Variants in MARCHF1 observed in about 807,000 individuals in gnomAD.
MARCHF1 encodes membrane associated ring-CH-type finger 1.
Under a neutral mutation model 54.2 loss-of-function variants are expected in MARCHF1, and 40 were observed. That is an observed-to-expected ratio of 0.74 (90% CI 0.57 to 0.96). MARCHF1 has a LOEUF of 0.96. Ranked by LOEUF, MARCHF1 falls within the 40% of genes least tolerant of loss-of-function variation. MARCHF1 has a pLI of 0.00. For missense variants in MARCHF1, 586 were observed against 656.5 expected, an observed-to-expected ratio of 0.89 and a Z score of 1.17; for synonymous variants, 236 against 236.3, an observed-to-expected ratio of 1.00 and a Z score of 0.01.
chr4:164,098,669 A>G (rs562750472), intron 2 of MARCHF1, among the ~76,000 whole-genome samples: 1 of 152,324 alleles, frequency 6.6e-6, no homozygotes, highest in Admixed American at 6.5e-5. Context: ...AGAAAGAATG[A>G]AGATCTTTTC....
intron 4 of MARCHF1, among the ~76,000 whole-genome samples, chr4:163,742,758 A>G (rs1173477949): frequency 6.6e-6 from 1 of 152,162 alleles, no homozygotes; most frequent in Admixed American, 6.5e-5. Context: ...AATTATGGGT[A>G]CGCCCAGTAC....
chr4:164,334,834 G>A (rs1185428806), intron 1 of MARCHF1, among the ~76,000 whole-genome samples: 1 of 152,104 alleles, frequency 6.6e-6, no homozygotes, highest in Non-Finnish European at 1.5e-5. Context: ...TATGGGAGGA[G>A]GTCAAAATAT....
At chr4:164,030,421 C>T (rs945087409) in intron 2 of MARCHF1, among the ~76,000 whole-genome samples, 2 of 152,074 alleles carry the variant, frequency 1.3e-5, no homozygotes, top group Non-Finnish European at 2.9e-5. Flanking sequence ...AGATGAAATG[C>T]TACTGTATAA....
intron 8 of MARCHF1, among the ~76,000 whole-genome samples, chr4:163,576,799 A>G (rs892645369): frequency 1.3e-5 from 2 of 149,322 alleles, no homozygotes; most frequent in African/African-American, 4.9e-5. Flanking sequence ...ATTATGTAAT[A>G]TCCTTCTTTG....
intron 1 of MARCHF1, among the ~76,000 whole-genome samples, chr4:164,325,333 TTATA>T (rs58385154): frequency 8.7e-5 from 12 of 138,448 alleles, no homozygotes; most frequent in African/African-American, 2.4e-4. Flanking sequence ...TAGACAGAAA[TTATA>T]TATATATATA....
At chr4:164,062,929 T>A (rs1437670028) in intron 2 of MARCHF1, among the ~76,000 whole-genome samples, 1 of 152,256 alleles carries the variant, frequency 6.6e-6, no homozygotes, top group African/African-American at 2.4e-5. Flanking sequence ...TAATTTCTTG[T>A]ACATTTTCCT....
intron 1 of MARCHF1, among the ~76,000 whole-genome samples, chr4:164,230,347 G>A (rs560993949): frequency 3.4e-3 from 517 of 151,096 alleles, no homozygotes; most frequent in Middle Eastern, 0.01. Flanking sequence ...GTGAGCCAAG[G>A]TGGCGCCATT....
chr4:164,147,255 G>T (rs996842679), intron 1 of MARCHF1, among the ~76,000 whole-genome samples: 1 of 148,492 alleles, frequency 6.7e-6, no homozygotes. Flanking sequence ...CATTGTGGAA[G>T]TCAGTGTGGC....
At chr4:164,310,106 T>A (rs1009774925) in intron 1 of MARCHF1, among the ~76,000 whole-genome samples, 1 of 151,930 alleles carries the variant, frequency 6.6e-6, no homozygotes, top group Non-Finnish European at 1.5e-5. Context: ...TGAGACAGAG[T>A]CTCGCTCTGT....
At chr4:163,953,450 T>C (rs1005909387) in intron 3 of MARCHF1, among the ~76,000 whole-genome samples, 1 of 152,198 alleles carries the variant, frequency 6.6e-6, no homozygotes, top group South Asian at 2.1e-4. Context: ...GCTGAACACA[T>C]AGTAGTTTAA....
At chr4:163,622,400 C>A (rs2110963065) in intron 5 of MARCHF1, among the ~76,000 whole-genome samples, 1 of 151,948 alleles carries the variant, frequency 6.6e-6, no homozygotes, top group South Asian at 2.1e-4. Context: ...CCCTAAAAAA[C>A]TGAATGTGAT....
intron 3 of MARCHF1, among the ~76,000 whole-genome samples, chr4:163,981,190 C>CATCAAAA (rs1752756118): frequency 2.0e-5 from 3 of 151,802 alleles, no homozygotes; most frequent in African/African-American, 7.3e-5. Context: ...TTCATATTGG[C>CATCAAAA]ATCAAAAGTA....
chr4:163,657,891 C>T (rs1743206797), intron 5 of MARCHF1, among the ~76,000 whole-genome samples: 2 of 151,960 alleles, frequency 1.3e-5, no homozygotes, highest in Admixed American at 6.6e-5. Context: ...CCCTTCTTTA[C>T]ATGTTATATA....
chr4:163,825,788 A>G (rs954638080), intron 4 of MARCHF1, among the ~76,000 whole-genome samples: 1 of 151,876 alleles, frequency 6.6e-6, no homozygotes, highest in Non-Finnish European at 1.5e-5. Flanking sequence ...TTTCTTAAGA[A>G]TGTTTACTCA....
intron 3 of MARCHF1, among the ~76,000 whole-genome samples, chr4:163,878,993 C>T (rs180779538): frequency 6.6e-6 from 1 of 152,224 alleles, no homozygotes; most frequent in Admixed American, 6.5e-5. Flanking sequence ...GAAATTACAA[C>T]TAGCAAAGGG....
chr4:163,638,208 A>C (rs948384019), intron 5 of MARCHF1, among the ~76,000 whole-genome samples: 1 of 151,430 alleles, frequency 6.6e-6, no homozygotes, highest in African/African-American at 2.4e-5. Context: ...TAACCAGCAC[A>C]ATGTGCACAT....
At chr4:164,237,559 A>G (rs574904486) in intron 1 of MARCHF1, among the ~76,000 whole-genome samples, 81 of 152,204 alleles carry the variant, frequency 5.3e-4, no homozygotes, top group African/African-American at 1.8e-3. Context: ...ATGCACACAC[A>G]CAAGACAGAA....
At chr4:163,772,240 A>G (rs539311018) in intron 4 of MARCHF1, among the ~76,000 whole-genome samples, 6 of 152,324 alleles carry the variant, frequency 3.9e-5, no homozygotes, top group African/African-American at 1.4e-4. Context: ...CAGTATAAAT[A>G]GAGCAATAAG....
chr4:163,550,626 C>G (rs1393756598), intron 8 of MARCHF1, among the ~76,000 whole-genome samples: 1 of 151,954 alleles, frequency 6.6e-6, no homozygotes, highest in Non-Finnish European at 1.5e-5. Flanking sequence ...ACTGGCTCTG[C>G]CTGTCATATT....
Sources: gnomAD v4.1 joint callset for allele counts (sites outside exome capture counted in the v4.1 genomes callset) on GRCh38, gnomAD v4.1.1 for gene constraint, MANE v1.5 for transcripts, NCBI Gene and HGNC (gene_info 2026-07-23, HGNC 2026-07-21) for gene names.